The following RBFOX1 variants were observed in gnomAD, a reference collection of about 807,000 sequenced individuals.
The protein encoded by RBFOX1 is RNA binding fox-1 homolog 1, also known as RNA binding protein fox-1 homolog 1.
A neutral mutation model predicts 57.7 loss-of-function variants in RBFOX1; 8 were observed. That is an observed-to-expected ratio of 0.14 (90% CI 0.08 to 0.25). RBFOX1 has a LOEUF of 0.25. Ranked by LOEUF, RBFOX1 falls within the 10% of genes least tolerant of loss-of-function variation. The pLI is 1.00. For missense variants in RBFOX1, 611 were observed against 548.5 expected (o/e 1.11, Z -1.14); for synonymous variants, 326 against 222.4 (o/e 1.47, Z -4.15).
At chr16:5,787,143 T>A (rs577694491) in intron 3 of RBFOX1, among the ~76,000 whole-genome samples, 1 of 152,018 alleles carries the variant, frequency 6.6e-6, no homozygotes, top group Non-Finnish European at 1.5e-5. Flanking sequence ...CCCAAAAAAA[T>A]AATAACACAG....
At chr16:7,060,129 A>G (rs889245026) in intron 4 of RBFOX1, among the ~76,000 whole-genome samples, 11 of 152,156 alleles carry the variant, frequency 7.2e-5, no homozygotes, top group African/African-American at 2.4e-4. Context: ...CTTTTTCTGA[A>G]AAAAGCCAGA....
chr16:7,620,497 T>C (rs1470126786), intron 10 of RBFOX1, among the ~76,000 whole-genome samples: 2 of 152,216 alleles, frequency 1.3e-5, no homozygotes, highest in African/African-American at 2.4e-5. Context: ...GCAAGTAGGA[T>C]TTTTCTTATC....
At chr16:6,517,820 A>C (rs951468497) in intron 2 of RBFOX1, among the ~76,000 whole-genome samples, 1 of 152,036 alleles carries the variant, frequency 6.6e-6, no homozygotes, top group Non-Finnish European at 1.5e-5. Context: ...TCGTTATTTT[A>C]TTTTCCAATT....
At chr16:7,537,673 G>A (rs931555344) in intron 5 of RBFOX1, among the ~76,000 whole-genome samples, 1 of 152,162 alleles carries the variant, frequency 6.6e-6, no homozygotes, top group East Asian at 1.9e-4. Context: ...ATCAGGAAAT[G>A]GTGGCTTCTA....
intron 4 of RBFOX1, among the ~76,000 whole-genome samples, chr16:7,349,419 T>C (rs2097086011): frequency 6.6e-6 from 1 of 152,228 alleles, no homozygotes; most frequent in South Asian, 2.1e-4. Context: ...AAGTATAACA[T>C]TTTTCCTTTG....
At chr16:6,883,647 A>G (rs1468169229) in intron 3 of RBFOX1, among the ~76,000 whole-genome samples, 4 of 152,178 alleles carry the variant, frequency 2.6e-5, no homozygotes, top group South Asian at 2.1e-4. Flanking sequence ...CTAGATTTCT[A>G]TCTTTGTAGT....
At chr16:7,196,464 A>T (rs113871363) in intron 4 of RBFOX1, among the ~76,000 whole-genome samples, 4 of 152,180 alleles carry the variant, frequency 2.6e-5, no homozygotes, top group African/African-American at 9.7e-5. Flanking sequence ...TAGTGTAGGT[A>T]CCCAAAGGTC....
chr16:5,816,299 C>A (rs1413204562), intron 3 of RBFOX1, among the ~76,000 whole-genome samples: 1 of 152,174 alleles, frequency 6.6e-6, no homozygotes, highest in South Asian at 2.1e-4. Flanking sequence ...TAGGAAGATT[C>A]TCTAACTGCC....
chr16:6,150,828 C>G (rs761874788), intron 1 of RBFOX1, among the ~76,000 whole-genome samples: 1 of 152,150 alleles, frequency 6.6e-6, no homozygotes, highest in African/African-American at 2.4e-5. Flanking sequence ...AATGAATGAG[C>G]CAGTTTTCCT....
At chr16:5,595,492 G>T (rs985801488) in intron 2 of RBFOX1, among the ~76,000 whole-genome samples, 6 of 152,234 alleles carry the variant, frequency 3.9e-5, no homozygotes, top group African/African-American at 1.4e-4. Flanking sequence ...AAGAATGGCA[G>T]ACAGCGACCA....
intron 3 of RBFOX1, among the ~76,000 whole-genome samples, chr16:6,708,913 C>T (rs907335761): frequency 6.6e-6 from 1 of 152,104 alleles, no homozygotes; most frequent in African/African-American, 2.4e-5. Context: ...TCCATTGCGT[C>T]CCCAACAGCT....
intron 2 of RBFOX1, among the ~76,000 whole-genome samples, chr16:6,431,480 C>A (rs1452839944): frequency 6.6e-6 from 1 of 152,050 alleles, no homozygotes; most frequent in Non-Finnish European, 1.5e-5. Context: ...TCTCAACAGG[C>A]AGACCAGGTA....
chr16:5,891,605 C>G lies in RBFOX1; in HGVS notation c.351+24270C>G, dbSNP rs910080909. ...AAATGGCAGAGGGGTTCCTTCTAGT[C>G]TACAGCTGGGTGAGGGTGCACCAGG... On this transcript the variant is annotated intron_variant, in intron 4 of 19. Coordinates refer to the RBFOX1 transcript ENST00000641259. 7.2e-5 allele frequency among the ~76,000 whole-genome samples: 11 copies of G among 152,122 alleles called. No individual in the cohort carries two copies. The East Asian group carries it at 1.9e-3, about 27-fold the overall frequency.
intron 1 of RBFOX1, among the ~76,000 whole-genome samples, chr16:5,260,408 A>G (rs529780476): frequency 6.6e-6 from 1 of 152,338 alleles, no homozygotes; most frequent in East Asian, 1.9e-4. Context: ...CTGATCACAC[A>G]AAATGAGATT....
At chr16:6,288,933 G>T (rs546918717) in intron 1 of RBFOX1, among the ~76,000 whole-genome samples, 1 of 152,230 alleles carries the variant, frequency 6.6e-6, no homozygotes, top group South Asian at 2.1e-4. Flanking sequence ...TCATTGAGAT[G>T]CTGTCACCCC....
chr16:5,856,284 T>TAC lies in RBFOX1; in HGVS notation c.319-10993_319-10992dup, dbSNP rs57736862. ...ATGTATATATATATACACATATATA[T>TAC]ACACACACACACACACACACACACA... On this transcript the variant is annotated intron_variant, in intron 3 of 19. Transcript: ENST00000641259. Among the ~76,000 whole-genome samples, 169 of 86,312 alleles carry TAC rather than the reference T, an allele frequency of 2.0e-3. 8 individuals carry two copies. Among genetic ancestry groups the TAC allele is most frequent in the African/African-American group, 5.0e-3 (106 of 21,094 alleles). 56.6% of individuals were successfully genotyped at this position (86,312 alleles called of 152,430 possible).
At chr16:5,674,446 G>A (rs902584939) in intron 3 of RBFOX1, among the ~76,000 whole-genome samples, 1 of 152,180 alleles carries the variant, frequency 6.6e-6, no homozygotes, top group Non-Finnish European at 1.5e-5. Flanking sequence ...GATAGTGACA[G>A]GGCCAGGACT....
At chr16:6,623,379 C>G (rs954332853) in intron 2 of RBFOX1, among the ~76,000 whole-genome samples, 19 of 151,918 alleles carry the variant, frequency 1.3e-4, no homozygotes, top group African/African-American at 4.6e-4. Context: ...CTCAAGTGTT[C>G]TGATTGTCAC....
At chr16:6,205,134 T>C (rs1349259796) in intron 1 of RBFOX1, among the ~76,000 whole-genome samples, 1 of 152,204 alleles carries the variant, frequency 6.6e-6, no homozygotes. Flanking sequence ...TTATTGGGCT[T>C]AAATTGCATT....
Sources: gnomAD v4.1 joint callset for allele counts (sites outside exome capture counted in the v4.1 genomes callset) on GRCh38, gnomAD v4.1.1 for gene constraint, MANE v1.5 for transcripts, NCBI Gene and HGNC (gene_info 2026-07-23, HGNC 2026-07-21) for gene names.